The following RAB3IP variants were observed in gnomAD, a reference collection of about 807,000 sequenced individuals.
The protein encoded by RAB3IP is RAB3A interacting protein.
In RAB3IP, 36 loss-of-function variants were observed where a neutral mutation model predicts 59.1. The ratio of observed to expected loss-of-function variants is 0.61; its 90% confidence interval spans 0.47 to 0.80. The LOEUF (loss-of-function observed/expected upper bound fraction) is 0.80. Ranked by LOEUF, RAB3IP falls within the 30% of genes least tolerant of loss-of-function variation. The pLI, the probability that RAB3IP is intolerant of heterozygous loss-of-function variation, is 0.00. For synonymous variants in RAB3IP, 207 were observed against 191.2 expected, an observed-to-expected ratio of 1.08 and a Z score of -0.68; for missense variants, 511 against 536.0, an observed-to-expected ratio of 0.95 and a Z score of 0.46.
chr12:69,780,366 G>A (rs1159721956), intron 3 of RAB3IP, among the ~76,000 whole-genome samples: 1 of 152,190 alleles, frequency 6.6e-6, no homozygotes, highest in African/African-American at 2.4e-5. Context: ...CTGCATGGAT[G>A]GGACAGTTTA....
intron 1 of RAB3IP, among the ~76,000 whole-genome samples, chr12:69,749,882 T>C (rs1221623121): frequency 6.6e-6 from 1 of 152,224 alleles, no homozygotes; most frequent in Non-Finnish European, 1.5e-5. Context: ...ATTTTTCTTC[T>C]TTCCCCAGAT....
At chr12:69,793,660 T>C (rs773701464) in intron 4 of RAB3IP, among the ~76,000 whole-genome samples, 1 of 152,174 alleles carries the variant, frequency 6.6e-6, no homozygotes, top group Non-Finnish European at 1.5e-5. Flanking sequence ...AGGCTTCATA[T>C]TGCATTTAGA....
chr12:69,806,484 C>T (rs7960338), intron 8 of RAB3IP, among the ~76,000 whole-genome samples: 19,485 of 150,296 alleles, frequency 0.13, 1,449 homozygotes, highest in Middle Eastern at 0.17. Context: ...GGGTTTTTTG[C>T]GTCTCTATTT....
At chr12:69,805,443 T>C (rs1001534111) in intron 8 of RAB3IP, among the ~76,000 whole-genome samples, 12 of 152,136 alleles carry the variant, frequency 7.9e-5, no homozygotes, top group Admixed American at 1.3e-4. Flanking sequence ...CATCTGCAAA[T>C]TGGGACAATT....
chr12:69,782,034 T>G (rs1479403373), intron 3 of RAB3IP, among the ~76,000 whole-genome samples: 1 of 152,254 alleles, frequency 6.6e-6, no homozygotes, highest in East Asian at 1.9e-4. Flanking sequence ...CTTTAGCATT[T>G]GATATTACCA....
chr12:69,782,906 C>T (rs1046115138), intron 3 of RAB3IP, among the ~76,000 whole-genome samples: 2 of 151,988 alleles, frequency 1.3e-5, no homozygotes, highest in Non-Finnish European at 2.9e-5. Flanking sequence ...AGGTTTATGA[C>T]TTTGTGGTCG....
intron 8 of RAB3IP, among the ~76,000 whole-genome samples, chr12:69,809,453 C>G (rs964396918): frequency 2.6e-5 from 4 of 152,178 alleles, no homozygotes; most frequent in Admixed American, 6.5e-5. Context: ...GCCTGCCTTG[C>G]TAGATTGGGG....
chr12:69,764,190 T>G (rs1871823020), intron 3 of RAB3IP, among the ~76,000 whole-genome samples: 1 of 152,240 alleles, frequency 6.6e-6, no homozygotes, highest in Non-Finnish European at 1.5e-5. Flanking sequence ...GAATGGTGTT[T>G]CCTAGGTTTT....
chr12:69,786,260 C>G (rs531725998), intron 4 of RAB3IP, among the ~76,000 whole-genome samples: 3 of 152,208 alleles, frequency 2.0e-5, no homozygotes, highest in South Asian at 4.1e-4. Context: ...GCCTGTTCCA[C>G]AACTTTTATC....
rs1418978127 is a variant in RAB3IP, at chr12:69,816,188, G to A, written c.*742G>A. ...TGACGTGTGTCAAAGGGGTTTAAAG[G>A]GGTGTGGATTGAATGAATGGTACGT... is the stretch of plus-strand genomic sequence containing the variant. On this transcript the variant is annotated 3_prime_UTR_variant, in exon 11 of 11. Transcript: ENST00000247833. The A allele has an allele frequency of 6.6e-6, 1 of 152,176 alleles. No individual in the cohort carries two copies. The highest frequency in any genetic ancestry group is 1.5e-5 in the Non-Finnish European group (1 of 68,040). The allele number at this position is 152,176 out of a possible 1,614,324, so 9.4% of individuals were successfully genotyped here.
In RAB3IP at chr12:69,797,477, CTTTTTTTTTTT is replaced by C; in HGVS notation, c.888+2146_888+2156del. ...GGTTTATGTCCTTTTTCTTTTCTTTCTTTTTTTTTTTTTTTTTTTTTTTAATAAATTTGCAT... is the reference window on the plus strand; with the variant it reads ...GGTTTATGTCCTTTTTCTTTTCTTTCTTTTTTTTTTTTAATAAATTTGCAT... On this transcript the variant is annotated intron_variant, in intron 6 of 10. Transcript: ENST00000247833. Among the ~76,000 whole-genome samples, 15 of 54,944 alleles carry C rather than the reference CTTTTTTTTTTT, an allele frequency of 2.7e-4. No individual in the cohort carries two copies. In the South Asian group the frequency reaches 7.2e-3, roughly 26 times the overall value. 36.0% of individuals were successfully genotyped at this position (54,944 alleles called of 152,430 possible). A position where few individuals can be genotyped will look rare whatever the true frequency, so the allele number is the denominator to read the frequency against.
At chr12:69,814,845 C>T (rs1405618243) in intron 10 of RAB3IP, among the ~76,000 whole-genome samples, 3 of 152,116 alleles carry the variant, frequency 2.0e-5, no homozygotes, top group Non-Finnish European at 4.4e-5. Flanking sequence ...ATTCATCTTC[C>T]ACATGCATTT....
chr12:69,787,543 T>C (rs1242128381), intron 4 of RAB3IP, among the ~76,000 whole-genome samples: 2 of 152,190 alleles, frequency 1.3e-5, no homozygotes, highest in East Asian at 3.8e-4. Flanking sequence ...ACTCTTGCTT[T>C]ATCTACTGTG....
At position 69,817,775 on chromosome 12, in the gene RAB3IP, T is replaced by A. The variant is rs1172075598; in HGVS notation, c.*2329T>A. 1 of 148,282 alleles carries A rather than the reference T, an allele frequency of 6.7e-6. No individual in the cohort carries two copies. The highest frequency in any genetic ancestry group is 1.9e-4 in the East Asian group (1 of 5,136). 9.2% of individuals were successfully genotyped at this position (148,282 alleles called of 1,614,324 possible). ...ACTTGGGCAACATAGGGAGACCTTGTCTCTAAAAAAAAAACTAAAGCTAAA... is the reference window on the plus strand; with the variant it reads ...ACTTGGGCAACATAGGGAGACCTTGACTCTAAAAAAAAAACTAAAGCTAAA... On this transcript the variant is annotated 3_prime_UTR_variant, in exon 11 of 11. Transcript: ENST00000247833.
chr12:69,746,324 CCTGCTTTT>C lies in RAB3IP; in HGVS notation c.-26+7297_-26+7304del, dbSNP rs529704877. Among the ~76,000 whole-genome samples the C allele has an allele frequency of 4.0e-4, 61 of 152,306 alleles. No homozygotes were observed. The East Asian group carries it at 0.011, about 26-fold the overall frequency. Reference sequence around the variant, plus strand: ...GGTCTGTCACAGTCTGCCTCTCCAGCCTGCTTTTCTGTTACTGTCTCCTTTGTTAGTTT... The same window carrying C: ...GGTCTGTCACAGTCTGCCTCTCCAGCCTGTTACTGTCTCCTTTGTTAGTTT... On this transcript the variant is annotated intron_variant, in intron 1 of 10. Transcript: ENST00000247833.
chr12:69,761,469 G>A lies in RAB3IP; in HGVS notation c.510+4806G>A, dbSNP rs139734396. On this transcript the variant is annotated intron_variant, in intron 3 of 10. Coordinates refer to ENST00000247833, the MANE Select transcript of RAB3IP (RefSeq NM_022456.5). ...TTCAGAGTTTTAGTTGTGTCAGATG[G>A]GTGGTAAATCTAATCCCTGTTCCTC... Among the ~76,000 whole-genome samples the A allele has an allele frequency of 3.2e-3, 492 of 152,170 alleles. 5 individuals are homozygous for A. The highest frequency in any genetic ancestry group is 0.011 in the African/African-American group (441 of 41,508).
rs1881187338 is a variant in RAB3IP at position 69,816,865 on chromosome 12, A to C, written c.*1419A>C. On this transcript the variant is annotated 3_prime_UTR_variant, in exon 11 of 11. Coordinates refer to ENST00000247833, the MANE Select transcript of RAB3IP (RefSeq NM_022456.5). ...TTACCTGTAGATGACTTCAGCCACCAGGCTGGATGGGAGCCCACAGACAAA... is the reference window on the plus strand; with the variant it reads ...TTACCTGTAGATGACTTCAGCCACCCGGCTGGATGGGAGCCCACAGACAAA... The C allele has an allele frequency of 1.3e-5, 2 of 152,210 alleles. No individual in the cohort carries two copies. The highest frequency in any genetic ancestry group is 4.8e-5 in the African/African-American group (2 of 41,448). The allele number at this position is 152,210 out of a possible 1,614,324, so 9.4% of individuals were successfully genotyped here. A position where few individuals can be genotyped will look rare whatever the true frequency, so the allele number is the denominator to read the frequency against.
chr12:69,782,981 T>G (rs894517400), intron 3 of RAB3IP, among the ~76,000 whole-genome samples: 2 of 152,230 alleles, frequency 1.3e-5, no homozygotes, highest in Non-Finnish European at 2.9e-5. Flanking sequence ...TTTGAGTAAC[T>G]TAAAAATGTT....
chr12:69,770,299 C>T (rs1872891516), intron 3 of RAB3IP, among the ~76,000 whole-genome samples: 2 of 152,132 alleles, frequency 1.3e-5, no homozygotes, highest in South Asian at 4.1e-4. Flanking sequence ...CCCCCCCACC[C>T]TGCCGGGGAT....
Sources: gnomAD v4.1 joint callset for allele counts (sites outside exome capture counted in the v4.1 genomes callset) on GRCh38, gnomAD v4.1.1 for gene constraint, MANE v1.5 for transcripts, NCBI Gene and HGNC (gene_info 2026-07-23, HGNC 2026-07-21) for gene names.